Variants in ANAPC2 observed in about 807,000 individuals in gnomAD.
ANAPC2 encodes the protein anaphase promoting complex subunit 2, also known as anaphase-promoting complex subunit 2.
In ANAPC2, 29 loss-of-function variants were observed where a neutral mutation model predicts 84.3. The observed-to-expected ratio is 0.34, with a 90% confidence interval of 0.26 to 0.47. The LOEUF (loss-of-function observed/expected upper bound fraction) is 0.47. Ranked by LOEUF, ANAPC2 falls within the 20% of genes least tolerant of loss-of-function variation. The probability of loss-of-function intolerance (pLI) is 1.00; values close to 1 mark genes in which losing one functional copy is unlikely to be tolerated. For missense variants in ANAPC2, 857 were observed against 1,131.7 expected (o/e 0.76, Z 3.48); for synonymous variants, 571 against 479.4 (o/e 1.19, Z -2.50).
At chr9:137,180,652 C>A in intron 8 of ANAPC2, 125 bp from the exon 9 acceptor site, 1 of 1,562,124 alleles carries the variant, frequency 6.4e-7, no homozygotes, top group South Asian at 1.1e-5. Context: ...CAATGGCTAG[C>A]ACACCCCCAG....
At chr9:137,183,378 C>A (rs1231088038) in intron 5 of ANAPC2, 136 bp from the exon 6 acceptor site, 1 of 823,580 alleles carries the variant, frequency 1.2e-6, no homozygotes. Flanking sequence ...CCTTGTCCCC[C>A]CATCCCCACC....
At chr9:137,183,455 A>C (rs1337282282) in intron 5 of ANAPC2, 2 of 783,612 alleles carry the variant, frequency 2.6e-6, no homozygotes, top group Non-Finnish European at 4.0e-6. Context: ...TCATCACCTC[A>C]GACCTACCGG....
At chr9:137,188,390 G>T in intron 1 of ANAPC2, 26 bp downstream of exon 1, 1 of 1,593,196 alleles carries the variant, frequency 6.3e-7, no homozygotes. Flanking sequence ...TCCGCGCGGG[G>T]CCGCCCCTCT....
chr9:137,188,245 A>C, intron 1 of ANAPC2, 142 bp from the exon 2 acceptor site: 1 of 1,338,992 alleles, frequency 7.5e-7, no homozygotes, highest in Non-Finnish European at 1.0e-6. Flanking sequence ...GAAGCTATGG[A>C]AGGGCTGTCA....
intron 10 of ANAPC2, chr9:137,176,963 T>C (rs549197035): frequency 6.6e-6 from 1 of 152,390 alleles, no homozygotes; most frequent in South Asian, 2.1e-4. Context: ...AAAAATACTC[T>C]ATCCAGGCAG....
In ANAPC2 at chr9:137,180,470, G is replaced by T. The variant is rs965075693; in HGVS notation, c.1668C>A (p.Phe556Leu). 6.2e-7 allele frequency: 1 copy of T among 1,613,024 alleles called. No individual in the cohort carries two copies. Residue 556 changes from phenylalanine to leucine, a missense_variant, in exon 9 of 13, where the codon TTC (phenylalanine) becomes TTA (leucine). Transcript: ENST00000323927. The part of the protein sequence containing the change: ...KLRFGEAPMH[F>L]CEVMLKDMAD... ...GACCCACCTTCAGCATGACTTCACA[G>T]AAGTGCATTGGGGCCTCGCCAAAGC...
rs778195347 is a variant in ANAPC2 at position 137,175,243 on chromosome 9, C to T, written c.2250G>A (p.Glu750=). ...MASQADQKEE[E]LLLFWTYIQA... ...GTGGGGCCTGCACGCGCACCAGCAGCTCCTCCTCCTTCTGGTCGGCCTGGG... is the reference window on the plus strand; with the variant it reads ...GTGGGGCCTGCACGCGCACCAGCAGTTCCTCCTCCTTCTGGTCGGCCTGGG... Residue 750 remains glutamate, a synonymous_variant, in exon 12 of 13, where the codon GAG becomes GAA. Transcript: ENST00000323927. The T allele has an allele frequency of 1.2e-6, 2 of 1,611,948 alleles. No homozygotes were observed. The highest frequency in any genetic ancestry group is 1.7e-6 in the Non-Finnish European group (2 of 1,179,648).
At chr9:137,183,281 G>C in intron 5 of ANAPC2, 39 bp from the exon 6 acceptor site, 1 of 1,532,364 alleles carries the variant, frequency 6.5e-7, no homozygotes, top group Non-Finnish European at 9.0e-7. Context: ...TGCAGTGCCC[G>C]GGACCACAGC....
In ANAPC2 at chr9:137,180,397, C is replaced by T. The variant is rs777359521; in HGVS notation, c.1687-13G>A. Reference sequence around the variant, plus strand: ...AGTCCGCCATGTCCTGAGGAGGAGCCGGTGTCACGGGGGACCTGCGGGGCG... The same window carrying T: ...AGTCCGCCATGTCCTGAGGAGGAGCTGGTGTCACGGGGGACCTGCGGGGCG... On this transcript the variant is annotated splice_polypyrimidine_tract_variant and intron_variant, in intron 9 of 12. Coordinates refer to ENST00000323927, the MANE Select transcript of ANAPC2 (RefSeq NM_013366.4). 8 of 1,612,560 alleles carry T rather than the reference C, an allele frequency of 5.0e-6. No individual in the cohort carries two copies. The highest frequency in any genetic ancestry group is 4.5e-5 in the East Asian group (2 of 44,878).
In ANAPC2 at chr9:137,183,768, T is replaced by C; in HGVS notation, c.1072A>G (p.Ile358Val). ...VRDFPDSRPA[I>V]EDLKYCLERT... ...TCCAGGCAGTACTTGAGGTCCTCGA[T>C]GGCTGGCCGGGAGTCTGGGAAGTCT... The change falls in exon 5 of 13, where the codon ATC becomes GTC. Residue 358 changes from isoleucine to valine, a missense_variant. Physicochemically the swap from Ile to Val is conservative, Grantham distance 29. Coordinates refer to ENST00000323927, the MANE Select transcript of ANAPC2 (RefSeq NM_013366.4). The C allele has an allele frequency of 6.8e-6, 11 of 1,613,324 alleles. No homozygotes were observed. Among genetic ancestry groups the C allele is most frequent in the Non-Finnish European group, 9.3e-6 (11 of 1,179,918 alleles).
chr9:137,188,423 A>G lies in ANAPC2; in HGVS notation c.110T>C (p.Leu37Pro). 1 of 1,607,752 alleles carries G rather than the reference A, an allele frequency of 6.2e-7. No individual in the cohort carries two copies. The highest frequency in any genetic ancestry group is 8.5e-7 in the Non-Finnish European group (1 of 1,179,146). ...TCTCTTCCCAGGCCTCACCAGCCCCAGCGCAGCCGGCGGCACCAGGCCGGT... is the reference window on the plus strand; with the variant it reads ...TCTCTTCCCAGGCCTCACCAGCCCCGGCGCAGCCGGCGGCACCAGGCCGGT... ...VSTGLVPPAA[L>P]GLVSSRTSGA... The change falls in exon 1 of 13, where the codon CTG becomes CCG. Residue 37 changes from leucine (L) to proline (P), a missense_variant. Leu to Pro is a moderately conservative substitution (Grantham distance 98). Transcript: ENST00000323927.
chr9:137,176,077 G>A, intron 10 of ANAPC2: 1 of 454,920 alleles, frequency 2.2e-6, no homozygotes, highest in Non-Finnish European at 3.8e-6. Context: ...GGGGCCTCCT[G>A]ACCCCCAGTG....
At position 137,180,923 on chromosome 9, in the gene ANAPC2, G is replaced by C; in HGVS notation, c.1475C>G (p.Ser492Trp). ...PDPVDADPGK[S>W]SSKRRSSDII... ...GTCCGATGAACGCCGCTTGGAGCTC[G>C]ACTTCCCTGGCATGGTGGGGGCAGG... The change falls in exon 8 of 13, where the codon TCG (serine) becomes TGG (tryptophan). Residue 492 changes from serine (S) to tryptophan (W), a missense_variant. Physicochemically the swap from Ser to Trp is radical, Grantham distance 177. Transcript: ENST00000323927. The C allele has an allele frequency of 3.1e-6, 5 of 1,613,158 alleles. No individual in the cohort carries two copies. The highest frequency in any genetic ancestry group is 2.5e-6 in the Non-Finnish European group (3 of 1,179,874).
Position 137,188,478 on chromosome 9 carries a change from C to T in ANAPC2, c.55G>A (p.Glu19Lys), listed in dbSNP as rs768206761. 2.5e-5 allele frequency: 41 copies of T among 1,610,232 alleles called. No homozygotes were observed. The highest frequency in any genetic ancestry group is 3.1e-5 in the Non-Finnish European group (36 of 1,179,510). ...EGDSDSRPGQ[E>K]LLVAWNTVST... ...ACGGTGTTCCAGGCCACTAACAACT[C>T]CTGTCCGGGCCGGGAGTCGCTGTCC... The change falls in exon 1 of 13, where the codon GAG becomes AAG. Residue 19 changes from glutamate to lysine, a missense_variant. Around this residue, in one of 3 missense-constraint regions of ANAPC2, gnomAD observed 428 missense variants for 513.8 expected, o/e 0.83. Coordinates refer to ENST00000323927, the MANE Select transcript of ANAPC2 (RefSeq NM_013366.4).
At position 137,186,536 on chromosome 9, in the gene ANAPC2, A is replaced by G. The variant is rs1182890236; in HGVS notation, c.741-180T>C. 8 of 890,930 alleles carry G rather than the reference A, an allele frequency of 9.0e-6. No individual in the cohort carries two copies. The South Asian group carries it at 1.1e-4, about 12-fold the overall frequency. The allele number at this position is 890,930 out of a possible 1,614,324, so 55.2% of individuals were successfully genotyped here. A position where few individuals can be genotyped will look rare whatever the true frequency, so the allele number is the denominator to read the frequency against. On this transcript the variant is annotated intron_variant, in intron 2 of 12. Transcript: ENST00000323927. Reference sequence around the variant, plus strand: ...GGGGGCGGTTGTACCAAAGGCTTCAAGAAGCCACTGGGAGCACAGAGCACT... The same window carrying G: ...GGGGGCGGTTGTACCAAAGGCTTCAGGAAGCCACTGGGAGCACAGAGCACT...
At chr9:137,187,436 G>C (rs1834500149) in intron 2 of ANAPC2, 45 bp downstream of exon 2, 1 of 1,562,326 alleles carries the variant, frequency 6.4e-7, no homozygotes, top group African/African-American at 1.4e-5. Context: ...GAGCAGCGGG[G>C]AACCAGAAGG....
At position 137,187,139 on chromosome 9, in the gene ANAPC2, C is replaced by T. The variant is rs73563665; in HGVS notation, c.740+342G>A. 8.9e-3 allele frequency: 2,585 copies of T among 289,846 alleles called. 58 individuals are homozygous for T. Among genetic ancestry groups the T allele is most frequent in the African/African-American group, 0.041 (1,932 of 47,310 alleles). The allele number at this position is 289,846 out of a possible 1,614,324, so 18.0% of individuals were successfully genotyped here. A position where few individuals can be genotyped will look rare whatever the true frequency, so the allele number is the denominator to read the frequency against. On this transcript the variant is annotated intron_variant, in intron 2 of 12. Coordinates refer to ENST00000323927, the MANE Select transcript of ANAPC2 (RefSeq NM_013366.4). ...TTCACAATTACAGGGCAAGGAATGT[C>T]GACGAGGGTGAGAATCATTCCTCCC...
intron 2 of ANAPC2, 56 bp downstream of exon 2, chr9:137,187,425 G>A (rs535991706): frequency 1.9e-6 from 3 of 1,548,808 alleles, no homozygotes; most frequent in East Asian, 4.5e-5. Context: ...TGGACCCAGG[G>A]GAGCAGCGGG....
chr9:137,181,752 G>T lies in ANAPC2; in HGVS notation c.1397C>A (p.Thr466Lys). The change falls in exon 7 of 13, where the codon ACA (threonine) becomes AAA (lysine). Residue 466 changes from threonine to lysine, a missense_variant. By Grantham distance (78) the Thr-to-Lys change is moderately conservative (BLOSUM62 -1). This residue lies in a region of ANAPC2 where 425 missense variants were observed against 595.5 expected (regional missense o/e 0.71). Coordinates refer to ENST00000323927, the MANE Select transcript of ANAPC2 (RefSeq NM_013366.4). Reference sequence around the variant, plus strand: ...TGAGTCATCCTCACTGTCCTGGCCTGTCTCCAGGCTCGCCGGGTCGGTCTT... The same window carrying T: ...TGAGTCATCCTCACTGTCCTGGCCTTTCTCCAGGCTCGCCGGGTCGGTCTT... ...LSKTDPASLETGQDSEDDSGE... is the reference protein window; with the variant it reads ...LSKTDPASLEKGQDSEDDSGE... 1 of 1,612,218 alleles carries T rather than the reference G, an allele frequency of 6.2e-7. No individual in the cohort carries two copies. Among genetic ancestry groups the T allele is most frequent in the South Asian group, 1.1e-5 (1 of 91,070 alleles).
Sources: gnomAD v4.1 joint callset for allele counts on GRCh38, gnomAD v4.1.1 for gene constraint, gnomAD v4.1.1 regional missense constraint, MANE v1.5 for transcripts, NCBI Gene and HGNC (gene_info 2026-07-23, HGNC 2026-07-21) for gene names.